Variants in DARS1 observed in about 807,000 individuals in gnomAD.
DARS1 encodes aspartate--tRNA ligase, cytoplasmic.
A neutral mutation model predicts 68.8 loss-of-function variants in DARS1; 51 were observed. The ratio of observed to expected loss-of-function variants is 0.74; its 90% confidence interval spans 0.59 to 0.94. DARS1 has a LOEUF of 0.94. DARS1 is among the 40% of genes least tolerant of loss of function. The pLI, the probability that DARS1 is intolerant of heterozygous loss-of-function variation, is 0.00. For missense variants in DARS1, 607 were observed against 597.3 expected (o/e 1.02, Z -0.17); for synonymous variants, 203 against 190.4 (o/e 1.07, Z -0.55).
intron 2 of DARS1, among the ~76,000 whole-genome samples, chr2:135,982,500 G>A (rs1036619394): frequency 6.6e-6 from 1 of 151,876 alleles, no homozygotes; most frequent in African/African-American, 2.4e-5. Context: ...GGAGGCTGAG[G>A]CAGGAGAATT....
chr2:135,974,874 CAA>C (rs1682460507), intron 3 of DARS1, among the ~76,000 whole-genome samples: 3 of 151,826 alleles, frequency 2.0e-5, no homozygotes, highest in Admixed American at 1.3e-4. Flanking sequence ...CAAGAACAAA[CAA>C]TATATAAAAG....
intron 3 of DARS1, among the ~76,000 whole-genome samples, chr2:135,975,328 G>C (rs889351976): frequency 6.6e-6 from 1 of 152,108 alleles, no homozygotes. Context: ...CTGGGCGACA[G>C]AGCGAGACTC....
At chr2:135,930,463 GC>G (rs1681317225) in intron 7 of DARS1, among the ~76,000 whole-genome samples, 1 of 152,100 alleles carries the variant, frequency 6.6e-6, no homozygotes. Context: ...TTTAAAGATG[GC>G]TCAGTTTCTA....
At chr2:135,963,567 T>G (rs1682146401) in intron 3 of DARS1, among the ~76,000 whole-genome samples, 2 of 152,156 alleles carry the variant, frequency 1.3e-5, no homozygotes, top group South Asian at 4.1e-4. Flanking sequence ...AGATGGGGTT[T>G]CACCATGTTG....
intron 4 of DARS1, among the ~76,000 whole-genome samples, chr2:135,955,847 T>C (rs1681961670): frequency 6.6e-6 from 1 of 151,974 alleles, no homozygotes; most frequent in African/African-American, 2.4e-5. Context: ...TTGGTAGAGA[T>C]GATGTTTCAC....
At chr2:135,955,144 A>C (rs1197093362) in intron 4 of DARS1, among the ~76,000 whole-genome samples, 1 of 127,656 alleles carries the variant, frequency 7.8e-6, no homozygotes, top group African/African-American at 3.1e-5. Flanking sequence ...TACCACCACC[A>C]AAAAAAAAAA....
At chr2:135,935,348 G>A (rs1042181492) in intron 5 of DARS1, among the ~76,000 whole-genome samples, 5 of 152,008 alleles carry the variant, frequency 3.3e-5, no homozygotes, top group African/African-American at 1.2e-4. Context: ...TGTAATCCCA[G>A]CACTTTGGGA....
chr2:135,979,356 CA>C lies in DARS1; in HGVS notation c.134del (p.Leu45TrpfsTer7). On this transcript the variant is annotated frameshift_variant, in exon 3 of 16. Transcript: ENST00000264161. LOFTEE classifies it high-confidence loss of function. Reference protein sequence around the residue: ...IQSQEKPDRVLVRVRDLTIQK... With the variant: ...IQSQEKPDRVXVRVRDLTIQK... The stretch of plus-strand genomic sequence containing the variant: ...GTATTGTCAAGTCTCTAACCCGAAC[CA>C]AAACTCGATCTGTAATAACAGTAAA... The C allele has an allele frequency of 2.9e-6, 4 of 1,389,582 alleles. No homozygotes were observed. Among genetic ancestry groups the C allele is most frequent in the Non-Finnish European group, 4.1e-6 (4 of 975,304 alleles). The allele number at this position is 1,389,582 out of a possible 1,614,324, so 86.1% of individuals were successfully genotyped here. A position where few individuals can be genotyped will look rare whatever the true frequency, so the allele number is the denominator to read the frequency against.
intron 4 of DARS1, among the ~76,000 whole-genome samples, chr2:135,956,392 G>A (rs1681977122): frequency 6.6e-6 from 1 of 152,162 alleles, no homozygotes; most frequent in Non-Finnish European, 1.5e-5. Context: ...GACCTAACAG[G>A]ATTCTTGTTG....
At chr2:135,920,320 T>A in intron 10 of DARS1, 133 bp downstream of exon 10, 1 of 1,331,624 alleles carries the variant, frequency 7.5e-7, no homozygotes, top group Non-Finnish European at 9.8e-7. Flanking sequence ...ATTAAATGGA[T>A]CATCTAACTG....
chr2:135,975,302 G>A (rs1050692937), intron 3 of DARS1, among the ~76,000 whole-genome samples: 11 of 152,022 alleles, frequency 7.2e-5, no homozygotes, highest in African/African-American at 2.7e-4. Flanking sequence ...CGGAGACTGT[G>A]CCACTGCACT....
chr2:135,912,474 C>T lies in DARS1; in HGVS notation c.1230+12G>A. 1.1e-6 allele frequency: 1 copy of T among 932,578 alleles called. No homozygotes were observed. Among genetic ancestry groups the T allele is most frequent in the Middle Eastern group, 2.2e-4 (1 of 4,638 alleles). The allele number at this position is 932,578 out of a possible 1,614,324, so 57.8% of individuals were successfully genotyped here. A position where few individuals can be genotyped will look rare whatever the true frequency, so the allele number is the denominator to read the frequency against. ...TGCCTCAAAATGGGTTACTTAAAAC[C>T]AAATTACTTACGGGATTTCTTGGGT... On this transcript the variant is annotated intron_variant, in intron 13 of 15. Transcript: ENST00000264161.
At chr2:135,955,712 G>T (rs562399827) in intron 4 of DARS1, among the ~76,000 whole-genome samples, 4 of 120,758 alleles carry the variant, frequency 3.3e-5, no homozygotes, top group African/African-American at 1.4e-4. Context: ...TTTTAGACAG[G>T]GTCTCGCTCT....
At chr2:135,964,961 G>T (rs1426629085) in intron 3 of DARS1, among the ~76,000 whole-genome samples, 1 of 151,906 alleles carries the variant, frequency 6.6e-6, no homozygotes, top group Non-Finnish European at 1.5e-5. Context: ...AACAGATGGG[G>T]GAGGAAGGGA....
At chr2:135,929,666 A>T (rs1419884338) in intron 7 of DARS1, among the ~76,000 whole-genome samples, 1 of 152,206 alleles carries the variant, frequency 6.6e-6, no homozygotes, top group Non-Finnish European at 1.5e-5. Context: ...ATAATCTCTT[A>T]TACTACAAAA....
chr2:135,966,158 C>G (rs1163701485), intron 3 of DARS1, among the ~76,000 whole-genome samples: 1 of 150,886 alleles, frequency 6.6e-6, no homozygotes, highest in African/African-American at 2.5e-5. Flanking sequence ...TTTTGTCTGT[C>G]TGTAAATGTA....
intron 6 of DARS1, among the ~76,000 whole-genome samples, 188 bp downstream of exon 6, chr2:135,933,722 A>C (rs1681404303): frequency 6.6e-6 from 1 of 152,134 alleles, no homozygotes; most frequent in Admixed American, 6.6e-5. Context: ...TAGGGTTCTT[A>C]ATTATTTTTA....
chr2:135,914,595 C>A, intron 11 of DARS1, 84 bp from the exon 12 acceptor site: 2 of 874,416 alleles, frequency 2.3e-6, no homozygotes, highest in Non-Finnish European at 3.9e-6. Flanking sequence ...ATTTGAGTTT[C>A]TCAAGGGATT....
intron 3 of DARS1, among the ~76,000 whole-genome samples, chr2:135,963,637 G>A (rs1376677573): frequency 3.3e-5 from 5 of 150,854 alleles, no homozygotes; most frequent in African/African-American, 1.2e-4. Context: ...CTCCCAAAGT[G>A]CTGGGATTAC....
Sources: gnomAD v4.1 joint callset for allele counts (sites outside exome capture counted in the v4.1 genomes callset) on GRCh38, gnomAD v4.1.1 for gene constraint, MANE v1.5 for transcripts, NCBI Gene and HGNC (gene_info 2026-07-23, HGNC 2026-07-21) for gene names.